Variants in UBE3D observed in about 807,000 individuals in gnomAD.
UBE3D encodes E3 ubiquitin-protein ligase E3D.
A neutral mutation model predicts 49.6 loss-of-function variants in UBE3D; 48 were observed. The observed-to-expected ratio is 0.97, with a 90% CI of 0.77 to 1.23. UBE3D has a LOEUF of 1.23. Among genes scored for constraint, UBE3D ranks in the 50% most tolerant of loss-of-function variants. The pLI, the probability that UBE3D is intolerant of heterozygous loss-of-function variation, is 0.00. For synonymous variants in UBE3D, 189 were observed against 174.2 expected (o/e 1.08, Z -0.67); for missense variants, 452 against 468.4 (o/e 0.96, Z 0.32).
At chr6:82,911,666 A>G (rs1175016424) in intron 9 of UBE3D, among the ~76,000 whole-genome samples, 1 of 152,132 alleles carries the variant, frequency 6.6e-6, no homozygotes, top group Admixed American at 6.5e-5. Flanking sequence ...TTCAACAATG[A>G]TCTGAGTTTT....
chr6:82,985,071 C>G (rs1482130011), intron 8 of UBE3D, among the ~76,000 whole-genome samples: 1 of 121,332 alleles, frequency 8.2e-6, no homozygotes, highest in Non-Finnish European at 1.6e-5. Flanking sequence ...AGGCTGGTCT[C>G]AAACTCTTGG....
intron 9 of UBE3D, chr6:82,932,636 A>T (rs971509413): frequency 6.6e-6 from 1 of 152,224 alleles, no homozygotes; most frequent in African/African-American, 2.4e-5. Context: ...AGTGTGGAAG[A>T]AGTGTGAGGA....
At chr6:82,986,826 G>A (rs1778550366) in intron 8 of UBE3D, among the ~76,000 whole-genome samples, 1 of 148,082 alleles carries the variant, frequency 6.8e-6, no homozygotes, top group South Asian at 2.1e-4. Flanking sequence ...TCTCTGGTTT[G>A]AATTACAAAG....
chr6:83,065,745 C>T lies in UBE3D; in HGVS notation c.-27G>A, dbSNP rs760060754. ...GCAGGCTTCCAGTCCCAGACCGGAC[C>T]AAGCTGGAGGTTCCGAGGGGCCCGG... On this transcript the variant is annotated 5_prime_UTR_variant, in exon 1 of 10. Coordinates refer to ENST00000369747, the MANE Select transcript of UBE3D (RefSeq NM_198920.3). 2 of 1,599,116 alleles carry T rather than the reference C, an allele frequency of 1.3e-6. No homozygotes were observed. Among genetic ancestry groups the T allele is most frequent in the Non-Finnish European group, 1.7e-6 (2 of 1,173,036 alleles).
At chr6:83,027,008 T>C (rs1005856250) in intron 5 of UBE3D, among the ~76,000 whole-genome samples, 9 of 152,170 alleles carry the variant, frequency 5.9e-5, no homozygotes, top group African/African-American at 1.9e-4. Flanking sequence ...ACAAGTATTA[T>C]TTCTATTGTT....
chr6:82,938,214 TAACCCAACCCTTCATCCCA>T (rs1562101169), intron 9 of UBE3D: 1 of 152,232 alleles, frequency 6.6e-6, no homozygotes, highest in Admixed American at 6.5e-5. Context: ...ATATGTAATT[TAACCCAACCCTTCATCCCA>T]TAGATAACGA....
chr6:82,977,738 T>G (rs1484800568), intron 8 of UBE3D, among the ~76,000 whole-genome samples: 1 of 152,074 alleles, frequency 6.6e-6, no homozygotes, highest in African/African-American at 2.4e-5. Flanking sequence ...CTCAGGAGGC[T>G]GAGGCAGAAA....
intron 8 of UBE3D, among the ~76,000 whole-genome samples, chr6:82,977,176 C>T (rs938461359): frequency 1.5e-5 from 2 of 136,998 alleles, no homozygotes; most frequent in African/African-American, 5.4e-5. Context: ...AAAAATAATC[C>T]AAAAATGCTC....
intron 8 of UBE3D, among the ~76,000 whole-genome samples, chr6:82,964,633 C>T (rs1776781755): frequency 6.6e-6 from 1 of 152,076 alleles, no homozygotes; most frequent in African/African-American, 2.4e-5. Flanking sequence ...ATGATATGTC[C>T]ATCAATTTAA....
chr6:82,938,899 T>C (rs1027642349), intron 9 of UBE3D, among the ~76,000 whole-genome samples: 86 of 152,184 alleles, frequency 5.7e-4, no homozygotes, highest in African/African-American at 2.0e-3. Context: ...ACTAGCACCA[T>C]AGTCTGGTGT....
chr6:83,016,999 T>G (rs1381961958), intron 8 of UBE3D, among the ~76,000 whole-genome samples: 1 of 152,194 alleles, frequency 6.6e-6, no homozygotes, highest in East Asian at 1.9e-4. Flanking sequence ...CCCAGCCCAC[T>G]GACTCAAATG....
chr6:82,991,472 T>C (rs539929588), intron 8 of UBE3D, among the ~76,000 whole-genome samples: 1 of 152,246 alleles, frequency 6.6e-6, no homozygotes, highest in African/African-American at 2.4e-5. Flanking sequence ...GGTCAAGTAG[T>C]TTTTTATAAC....
intron 1 of UBE3D, among the ~76,000 whole-genome samples, chr6:83,065,037 G>A (rs963742748): frequency 1.3e-5 from 2 of 152,204 alleles, no homozygotes; most frequent in South Asian, 4.1e-4. Flanking sequence ...TATTTGTGTA[G>A]CGAATAACAA....
At chr6:83,005,734 C>T (rs1461858549) in intron 8 of UBE3D, among the ~76,000 whole-genome samples, 8 of 151,668 alleles carry the variant, frequency 5.3e-5, no homozygotes, top group Admixed American at 3.9e-4. Flanking sequence ...TAGAAGCAAC[C>T]GAAATGTCCA....
At chr6:83,063,412 TAAAAAAAA>T (rs201669450) in intron 1 of UBE3D, among the ~76,000 whole-genome samples, 8 of 45,480 alleles carry the variant, frequency 1.8e-4, no homozygotes, top group East Asian at 1.3e-3. Flanking sequence ...AGACGCTGTC[TAAAAAAAA>T]AAAAAAAAAA....
chr6:82,981,530 G>T (rs1291713165), intron 8 of UBE3D, among the ~76,000 whole-genome samples: 1 of 151,628 alleles, frequency 6.6e-6, no homozygotes, highest in Non-Finnish European at 1.5e-5. Flanking sequence ...CTCATCTTTT[G>T]GAGTCCTGTC....
At chr6:82,953,805 T>C (rs1193334268) in intron 9 of UBE3D, among the ~76,000 whole-genome samples, 2 of 152,172 alleles carry the variant, frequency 1.3e-5, no homozygotes, top group Non-Finnish European at 2.9e-5. Context: ...TGGAAAGTGC[T>C]ATGAAGAAAA....
chr6:82,998,942 A>G (rs1020605293), intron 8 of UBE3D, among the ~76,000 whole-genome samples: 2 of 152,198 alleles, frequency 1.3e-5, no homozygotes, highest in Admixed American at 6.5e-5. Flanking sequence ...GGTTAATATC[A>G]CTATGAATTT....
chr6:82,992,657 T>C (rs1353693947), intron 8 of UBE3D, among the ~76,000 whole-genome samples: 1 of 152,154 alleles, frequency 6.6e-6, no homozygotes, highest in Non-Finnish European at 1.5e-5. Context: ...CTGTGGGAAA[T>C]GGGCACTATG....
Sources: allele counts gnomAD v4.1 joint callset (sites outside exome capture counted in the v4.1 genomes callset), GRCh38; gene constraint gnomAD v4.1.1; transcripts MANE v1.5; gene names NCBI Gene and HGNC (gene_info 2026-07-23, HGNC 2026-07-21).